OR1J2: variants seen among roughly 807,000 people sequenced by gnomAD.
OR1J2 encodes the protein olfactory receptor 1J2.
For missense variants in OR1J2, 304 were observed against 246.1 expected (o/e 1.24, Z -1.57); for synonymous variants, 142 against 99.7 (o/e 1.42, Z -2.52).
the OR1J2 span, among the ~76,000 whole-genome samples, chr9:122,494,054 A>G: frequency 1.6e-3 from 237 of 152,276 alleles, no homozygotes; most frequent in African/African-American, 5.3e-3. Context: ...AGTACTTGCT[A>G]TAATTTCGAT....
the OR1J2 span, chr9:122,477,541 G>T: frequency 6.2e-7 from 1 of 1,614,050 alleles, no homozygotes; most frequent in African/African-American, 1.3e-5. Flanking sequence ...ATAATGTAGA[G>T]GATGACAGAT....
At chr9:122,493,376 T>C in the OR1J2 span, among the ~76,000 whole-genome samples, 3 of 152,150 alleles carry the variant, frequency 2.0e-5, no homozygotes, top group Admixed American at 6.5e-5. Context: ...CATTTCAAGC[T>C]TGCTACTTGT....
the OR1J2 span, among the ~76,000 whole-genome samples, chr9:122,493,434 G>A: frequency 2.6e-5 from 4 of 152,054 alleles, no homozygotes. Flanking sequence ...AACCTAGGAG[G>A]GTTGTATATT....
chr9:122,454,497 GAC>G, the OR1J2 span, among the ~76,000 whole-genome samples: 1 of 151,820 alleles, frequency 6.6e-6, no homozygotes, highest in Non-Finnish European at 1.5e-5. Context: ...CAGCCTGGGT[GAC>G]AGAGTGAGAC....
At chr9:122,534,765 G>A in the OR1J2 span, among the ~76,000 whole-genome samples, 1 of 152,120 alleles carries the variant, frequency 6.6e-6, no homozygotes, top group African/African-American at 2.4e-5. Flanking sequence ...AAAGAAGGAA[G>A]ATTTCGGACG....
At chr9:122,553,958 G>C in the OR1J2 span, 2 of 1,613,676 alleles carry the variant, frequency 1.2e-6, no homozygotes, top group Admixed American at 1.7e-5. Context: ...CTCATCTCAC[G>C]GTGGTTCTGC....
At chr9:122,568,288 A>T in the OR1J2 span, 8 of 1,614,176 alleles carry the variant, frequency 5.0e-6, no homozygotes, top group South Asian at 8.8e-5. Flanking sequence ...AGAAAACTCA[A>T]GAAGAAATAC....
At chr9:122,519,487 C>T in the OR1J2 span, 2 of 1,614,126 alleles carry the variant, frequency 1.2e-6, no homozygotes, top group East Asian at 4.5e-5. Flanking sequence ...TTCCTTCTCA[C>T]TTCAATGGCA....
the OR1J2 span, among the ~76,000 whole-genome samples, chr9:122,474,124 A>G: frequency 2.0e-5 from 3 of 152,224 alleles, no homozygotes; most frequent in African/African-American, 4.8e-5. Flanking sequence ...TTCATGGCTC[A>G]AAAGCATCAT....
the OR1J2 span, among the ~76,000 whole-genome samples, chr9:122,455,185 A>T: frequency 6.6e-6 from 1 of 152,190 alleles, no homozygotes; most frequent in Non-Finnish European, 1.5e-5. Context: ...GAACATTTGG[A>T]TGCAAGTTTT....
chr9:122,469,730 G>GGACA, the OR1J2 span, among the ~76,000 whole-genome samples: 3 of 152,230 alleles, frequency 2.0e-5, no homozygotes, highest in African/African-American at 7.2e-5. Context: ...TATTGTTAAT[G>GGACA]ATATGGACAA....
chr9:122,535,910 T>C, the OR1J2 span, among the ~76,000 whole-genome samples: 1 of 151,190 alleles, frequency 6.6e-6, no homozygotes, highest in African/African-American at 2.4e-5. Flanking sequence ...GAAAAAGGGG[T>C]GTTGTTCTCT....
At chr9:122,496,857 G>A in the OR1J2 span, among the ~76,000 whole-genome samples, 6 of 152,116 alleles carry the variant, frequency 3.9e-5, no homozygotes, top group Admixed American at 6.5e-5. Context: ...TGATAGGCAG[G>A]TTTGCCTTAA....
the OR1J2 span, among the ~76,000 whole-genome samples, chr9:122,575,195 G>T: frequency 6.6e-6 from 1 of 151,996 alleles, no homozygotes; most frequent in African/African-American, 2.4e-5. Context: ...GGATATTGTT[G>T]GCTTCGTAGA....
chr9:122,567,704 A>G, the OR1J2 span: 13 of 1,614,068 alleles, frequency 8.1e-6, no homozygotes, highest in Middle Eastern at 1.7e-4. Flanking sequence ...GTAAATAGAC[A>G]CAGAAGATGC....
chr9:122,491,588 A>T, the OR1J2 span, among the ~76,000 whole-genome samples: 1 of 152,198 alleles, frequency 6.6e-6, no homozygotes, highest in Non-Finnish European at 1.5e-5. Flanking sequence ...GAAGGAGAAT[A>T]TAAAAATGTA....
chr9:122,568,275 G>A, the OR1J2 span: 1 of 1,614,012 alleles, frequency 6.2e-7, no homozygotes, highest in Non-Finnish European at 8.5e-7. Context: ...ATCAGTGAGA[G>A]ACAGAAAACT....
the OR1J2 span, among the ~76,000 whole-genome samples, chr9:122,534,322 G>A: frequency 2.0e-5 from 3 of 152,186 alleles, no homozygotes; most frequent in African/African-American, 7.2e-5. Flanking sequence ...GTAGTAAAAT[G>A]TATATTGAGA....
At chr9:122,502,702 A>G in the OR1J2 span, among the ~76,000 whole-genome samples, 1 of 151,286 alleles carries the variant, frequency 6.6e-6, no homozygotes, top group Non-Finnish European at 1.5e-5. Context: ...CAGGTCTACT[A>G]ACAGAAGGAA....
Sources: gnomAD v4.1 joint callset for allele counts (sites outside exome capture counted in the v4.1 genomes callset) on GRCh38, gnomAD v4.1.1 for gene constraint, MANE v1.5 for transcripts, NCBI Gene and HGNC (gene_info 2026-07-23, HGNC 2026-07-21) for gene names.